The following DOCK7 variants were observed in gnomAD, a reference collection of about 807,000 sequenced individuals.
The protein encoded by DOCK7 is dedicator of cytokinesis protein 7.
A neutral mutation model predicts 271.0 loss-of-function variants in DOCK7; 138 were observed. The ratio of observed to expected loss-of-function variants is 0.51; its 90% CI spans 0.44 to 0.59. DOCK7 has a LOEUF of 0.59. Ranked by LOEUF, DOCK7 falls within the 20% of genes least tolerant of loss-of-function variation. DOCK7 has a pLI of 0.00. For missense variants in DOCK7, 2,066 were observed against 2,592.4 expected (o/e 0.80, Z 4.41); for synonymous variants, 823 against 876.1 (o/e 0.94, Z 1.07).
At position 62,604,781 on chromosome 1, in the gene DOCK7, G is replaced by A. The variant is rs1650724197; in HGVS notation, c.1682+13925C>T. The A allele has an allele frequency of 6.2e-7, 1 of 1,612,886 alleles. No individual in the cohort carries two copies. Among genetic ancestry groups the A allele is most frequent in the African/African-American group, 1.3e-5 (1 of 74,862 alleles). On this transcript the variant is annotated intron_variant, in intron 14 of 49. Transcript: ENST00000635253. ...TATACTCTATAAAATCAACCAAAAT[G>A]TTGATCCATCCAACAGATTCAGAAA...
At chr1:62,509,543 C>T (rs1471660293) in intron 34 of DOCK7, among the ~76,000 whole-genome samples, 1 of 151,952 alleles carries the variant, frequency 6.6e-6, no homozygotes, top group African/African-American at 2.4e-5. Flanking sequence ...TAGTACAGTA[C>T]CTGGCTACTC....
intron 48 of DOCK7, among the ~76,000 whole-genome samples, chr1:62,470,928 C>A (rs910966472): frequency 6.6e-6 from 1 of 152,050 alleles, no homozygotes; most frequent in Admixed American, 6.6e-5. Context: ...TCCCCTGCTA[C>A]CTCCCCCACC....
At chr1:62,685,874 TC>T (rs1661664669) in intron 1 of DOCK7, among the ~76,000 whole-genome samples, 1 of 152,204 alleles carries the variant, frequency 6.6e-6, no homozygotes, top group Admixed American at 6.5e-5. Flanking sequence ...CATATCCACC[TC>T]CTGTCTGTCC....
chr1:62,513,855 C>T lies in DOCK7; in HGVS notation c.3980G>A (p.Ser1327Asn). 1 of 1,613,932 alleles carries T rather than the reference C, an allele frequency of 6.2e-7. No individual in the cohort carries two copies. Residue 1327 changes from serine (S) to asparagine (N), a missense_variant, in exon 32 of 50, where the codon AGC becomes AAC. Ser to Asn is a conservative substitution (Grantham distance 46). Transcript: ENST00000635253. The stretch of plus-strand genomic sequence containing the variant: ...AACCCAAAGTAGACAGATCAAAAGG[C>T]TTCGACTTGATTCTGCTGAAAAGGT... The part of the protein sequence containing the change: ...HTTFSAESSR[S>N]LLICLLWVLK...
rs1209441738 is a variant in DOCK7, at chr1:62,552,766, G to A, written c.2732C>T (p.Pro911Leu). The A allele has an allele frequency of 1.2e-6, 2 of 1,613,138 alleles. No individual in the cohort carries two copies. The highest frequency in any genetic ancestry group is 1.7e-4 in the Middle Eastern group (1 of 6,060). ...GATGATTGATCGAACTTCATCATCTGGTGACGTGGGAGTCCCAGATATATC... is the reference window on the plus strand; with the variant it reads ...GATGATTGATCGAACTTCATCATCTAGTGACGTGGGAGTCCCAGATATATC... The part of the protein sequence containing the change: ...NPDISGTPTS[P>L]DDEVRSIIGS... The change falls in exon 22 of 50, where the codon CCA becomes CTA. Residue 911 changes from proline (P) to leucine (L), a missense_variant. Pro to Leu is a moderately conservative substitution (Grantham distance 98). Around this residue, in one of 2 missense-constraint regions of DOCK7, gnomAD observed 1,414 missense variants for 1,670.4 expected, o/e 0.85. Coordinates refer to ENST00000635253, the MANE Select transcript of DOCK7 (RefSeq NM_001367561.1).
intron 29 of DOCK7, among the ~76,000 whole-genome samples, 161 bp from the exon 30 acceptor site, chr1:62,529,607 C>T (rs1212982924): frequency 6.6e-6 from 1 of 152,070 alleles, no homozygotes; most frequent in Non-Finnish European, 1.5e-5. Flanking sequence ...AAACATTTCT[C>T]ATTTTAAAAT....
At chr1:62,675,185 G>A (rs1003065084) in intron 1 of DOCK7, among the ~76,000 whole-genome samples, 2 of 152,120 alleles carry the variant, frequency 1.3e-5, no homozygotes, top group Admixed American at 6.5e-5. Context: ...CAGGCTGAGC[G>A]GGGAGGATCA....
chr1:62,662,576 T>G (rs1658788520), intron 2 of DOCK7, among the ~76,000 whole-genome samples: 1 of 151,884 alleles, frequency 6.6e-6, no homozygotes. Context: ...GCCTGGCCAA[T>G]ATGGTAAAAC....
intron 14 of DOCK7, chr1:62,604,202 A>G: frequency 6.2e-7 from 1 of 1,613,388 alleles, no homozygotes; most frequent in Non-Finnish European, 8.5e-7. Flanking sequence ...TCACAAAGCA[A>G]AAGGACACTT....
chr1:62,505,975 A>G (rs1413204798), intron 35 of DOCK7, among the ~76,000 whole-genome samples, 159 bp from the exon 36 acceptor site: 1 of 152,094 alleles, frequency 6.6e-6, no homozygotes, highest in Non-Finnish European at 1.5e-5. Flanking sequence ...TGGCTTCAAG[A>G]AGGAGCTAAG....
chr1:62,662,245 T>A (rs1241840141), intron 2 of DOCK7, among the ~76,000 whole-genome samples: 2 of 152,192 alleles, frequency 1.3e-5, no homozygotes, highest in Non-Finnish European at 2.9e-5. Context: ...TCTAATATAA[T>A]AAATATTAGT....
intron 1 of DOCK7, among the ~76,000 whole-genome samples, chr1:62,676,784 CCAGGAA>C (rs1660589084): frequency 6.6e-6 from 1 of 152,024 alleles, no homozygotes; most frequent in African/African-American, 2.4e-5. Context: ...ACAGGGCAAA[CCAGGAA>C]CAGCCCATGA....
At chr1:62,617,456 T>G (rs557614319) in intron 14 of DOCK7, among the ~76,000 whole-genome samples, 65 of 152,092 alleles carry the variant, frequency 4.3e-4, no homozygotes, top group Admixed American at 2.2e-3. Context: ...AGAAATAAGA[T>G]AGCCAAATTA....
chr1:62,616,670 T>C (rs958784603), intron 14 of DOCK7, among the ~76,000 whole-genome samples: 1 of 151,688 alleles, frequency 6.6e-6, no homozygotes, highest in African/African-American at 2.4e-5. Flanking sequence ...ATGTAATGTA[T>C]AAGATTTCTA....
chr1:62,598,052 T>C (rs765671478), intron 14 of DOCK7: 5 of 1,583,740 alleles, frequency 3.2e-6, no homozygotes, highest in Non-Finnish European at 2.6e-6. Context: ...CAGAAGTAAC[T>C]TCACTTAAAG....
Position 62,653,781 on chromosome 1 carries a change from T to G in DOCK7, c.333A>C (p.Pro111=). 1 of 1,595,114 alleles carries G rather than the reference T, an allele frequency of 6.3e-7. No individual in the cohort carries two copies. The highest frequency in any genetic ancestry group is 1.3e-5 in the African/African-American group (1 of 74,636). The change falls in exon 4 of 50, where the codon CCA becomes CCC. Residue 111 remains proline (P), a synonymous_variant. Transcript: ENST00000635253. ...AACTTCTTATACAGTCTCTAACATGTGGATCCATTTCACTATTTTAAAAAG... is the reference window on the plus strand; with the variant it reads ...AACTTCTTATACAGTCTCTAACATGGGGATCCATTTCACTATTTTAAAAAG... ...SAVPEESEMD[P]HVRDCIRSYT...
In DOCK7 at chr1:62,601,292, C is replaced by T. The variant is rs114515649; in HGVS notation, c.1683-14668G>A. Reference sequence around the variant, plus strand: ...AGACTAAAAGATAGTTAAGAGATATCCATCAAATACAATGTATCAACCTAA... The same window carrying T: ...AGACTAAAAGATAGTTAAGAGATATTCATCAAATACAATGTATCAACCTAA... On this transcript the variant is annotated intron_variant, in intron 14 of 49. Transcript: ENST00000635253. The T allele has an allele frequency of 1.6e-3, 1,389 of 874,130 alleles. 17 individuals carry two copies. The African/African-American group carries it at 0.021, about 13-fold the overall frequency. 54.1% of individuals were successfully genotyped at this position (874,130 alleles called of 1,614,324 possible).
chr1:62,488,975 G>A lies in DOCK7; in HGVS notation c.5452C>T (p.His1818Tyr), dbSNP rs1262512011. Residue 1818 changes from histidine (H) to tyrosine (Y), a missense_variant, in exon 42 of 50, where the codon CAT (histidine) becomes TAT (tyrosine). Transcript: ENST00000635253. ...CTGAATGCTTCTTGAAGTTTACCAT[G>A]AATTGTGGATAGTTTCTTTGCATCC... is the stretch of plus-strand genomic sequence containing the variant. Reference protein sequence around the residue: ...NRDAKKLSTIHGKLQEAFSKI... With the variant: ...NRDAKKLSTIYGKLQEAFSKI... The A allele has an allele frequency of 6.2e-7, 1 of 1,613,602 alleles. No homozygotes were observed. The highest frequency in any genetic ancestry group is 8.5e-7 in the Non-Finnish European group (1 of 1,179,858).
Position 62,586,609 on chromosome 1 carries a change from T to C in DOCK7, c.1698A>G (p.Ile566Met). ...TGGCAAAATTAAGACTCTGAGGGTA[T>C]ATGTAGAGAAGATTTCTGTGAAAGC... ...PNTTYRNLLY[I>M]YPQSLNFANR... Residue 566 changes from isoleucine to methionine, a missense_variant, in exon 15 of 50, where the codon ATA becomes ATG. Physicochemically the swap from Ile to Met is conservative, Grantham distance 10. Coordinates refer to ENST00000635253, the MANE Select transcript of DOCK7 (RefSeq NM_001367561.1). The C allele has an allele frequency of 5.0e-6, 8 of 1,606,786 alleles. No homozygotes were observed. Among genetic ancestry groups the C allele is most frequent in the Non-Finnish European group, 6.8e-6 (8 of 1,174,720 alleles).
Sources: allele counts gnomAD v4.1 joint callset (sites outside exome capture counted in the v4.1 genomes callset), GRCh38; gene constraint gnomAD v4.1.1; regional missense constraint gnomAD v4.1.1; transcripts MANE v1.5; gene names NCBI Gene and HGNC (gene_info 2026-07-23, HGNC 2026-07-21).